FAM168A: variants seen among roughly 807,000 people sequenced by gnomAD.
FAM168A encodes protein FAM168A.
In FAM168A, 3 loss-of-function variants were observed where a neutral mutation model predicts 28.5. The observed-to-expected ratio is 0.11, with a 90% confidence interval of 0.05 to 0.27. FAM168A has a LOEUF of 0.27. Among genes scored for constraint, FAM168A ranks in the 10% least tolerant of loss-of-function variants. The pLI is 1.00. For synonymous variants in FAM168A, 122 were observed against 124.2 expected (o/e 0.98, Z 0.12); for missense variants, 222 against 311.5 (o/e 0.71, Z 2.16).
At chr11:73,483,262 C>A (rs991936896) in intron 1 of FAM168A, among the ~76,000 whole-genome samples, 1 of 152,166 alleles carries the variant, frequency 6.6e-6, no homozygotes, top group East Asian at 1.9e-4. Flanking sequence ...TGTCAACAAC[C>A]AAGACCTACA....
intron 1 of FAM168A, among the ~76,000 whole-genome samples, chr11:73,488,671 G>T (rs1050218293): frequency 6.6e-6 from 1 of 152,066 alleles, no homozygotes; most frequent in Admixed American, 6.6e-5. Flanking sequence ...AACAGTCCAC[G>T]TTCCAACCTT....
chr11:73,593,256 TTTG>T (rs1216829275), intron 1 of FAM168A, among the ~76,000 whole-genome samples: 2 of 152,220 alleles, frequency 1.3e-5, no homozygotes, highest in Admixed American at 1.3e-4. Context: ...AAATCTCCTT[TTTG>T]TTAAGCTGGG....
intron 2 of FAM168A, among the ~76,000 whole-genome samples, chr11:73,459,487 AAAAAAGAAAAAAAAAAGG>A (rs1223984918): frequency 2.9e-4 from 44 of 151,924 alleles, no homozygotes; most frequent in African/African-American, 7.2e-4. Flanking sequence ...CTCTGAGTCA[AAAAAAGAAAAAAAAAAGG>A]AAAAAGAAAA....
At chr11:73,540,623 T>C (rs1331172878) in intron 1 of FAM168A, among the ~76,000 whole-genome samples, 1 of 152,220 alleles carries the variant, frequency 6.6e-6, no homozygotes, top group African/African-American at 2.4e-5. Context: ...CTATTATATC[T>C]TCTCATGGCT....
chr11:73,468,804 T>C (rs974435215), intron 1 of FAM168A, among the ~76,000 whole-genome samples: 1 of 152,236 alleles, frequency 6.6e-6, no homozygotes, highest in Non-Finnish European at 1.5e-5. Flanking sequence ...CTATGTGGCA[T>C]TGGCCATGTC....
intron 1 of FAM168A, among the ~76,000 whole-genome samples, chr11:73,545,683 CTT>C (rs966309670): frequency 5.7e-5 from 6 of 105,160 alleles, no homozygotes; most frequent in African/African-American, 1.6e-4. Context: ...ATACTATATA[CTT>C]TTTTTTTTTT....
chr11:73,502,930 G>C (rs1036436065), intron 1 of FAM168A, among the ~76,000 whole-genome samples: 3 of 152,078 alleles, frequency 2.0e-5, no homozygotes, highest in Admixed American at 6.6e-5. Context: ...TGCAGAAAAG[G>C]CCTTTGATAA....
intron 2 of FAM168A, among the ~76,000 whole-genome samples, chr11:73,452,811 A>T (rs990596384): frequency 2.6e-4 from 38 of 148,466 alleles, no homozygotes; most frequent in Admixed American, 1.2e-3. Flanking sequence ...TGCAAAAAAA[A>T]AATAATAATA....
intron 1 of FAM168A, among the ~76,000 whole-genome samples, chr11:73,582,476 T>C (rs1944260181): frequency 6.6e-6 from 1 of 152,008 alleles, no homozygotes; most frequent in Non-Finnish European, 1.5e-5. Context: ...TGAGTCGAGA[T>C]GGTGCCATTG....
At chr11:73,521,702 C>G (rs927913468) in intron 1 of FAM168A, among the ~76,000 whole-genome samples, 1 of 152,012 alleles carries the variant, frequency 6.6e-6, no homozygotes, top group South Asian at 2.1e-4. Flanking sequence ...GTAATAACAA[C>G]GGGGAAGGGG....
intron 1 of FAM168A, among the ~76,000 whole-genome samples, chr11:73,562,050 C>A (rs551546962): frequency 3.3e-5 from 5 of 152,314 alleles, no homozygotes; most frequent in Non-Finnish European, 7.3e-5. Context: ...TCAAGCAATT[C>A]TCCTGCCTCA....
intron 1 of FAM168A, among the ~76,000 whole-genome samples, chr11:73,535,020 G>C (rs548458526): frequency 1.6e-4 from 24 of 152,268 alleles, no homozygotes; most frequent in African/African-American, 5.5e-4. Flanking sequence ...AAGGAGACTA[G>C]AGGATTCTTC....
chr11:73,569,024 T>C (rs2134716380), intron 1 of FAM168A, among the ~76,000 whole-genome samples: 3 of 152,298 alleles, frequency 2.0e-5, no homozygotes, highest in Admixed American at 2.0e-4. Flanking sequence ...ATCAAAAAAA[T>C]TGTTTCTTCG....
intron 1 of FAM168A, among the ~76,000 whole-genome samples, chr11:73,514,650 G>A (rs1242361075): frequency 6.6e-6 from 1 of 152,152 alleles, no homozygotes; most frequent in African/African-American, 2.4e-5. Context: ...TGAGCAACAT[G>A]GCAAGACCCC....
intron 1 of FAM168A, among the ~76,000 whole-genome samples, chr11:73,503,704 CA>C (rs1363847466): frequency 6.6e-6 from 1 of 152,126 alleles, no homozygotes. Flanking sequence ...CAATCCTAAG[CA>C]AAAAGAACAA....
intron 1 of FAM168A, among the ~76,000 whole-genome samples, chr11:73,509,781 A>G (rs1855183897): frequency 6.6e-6 from 1 of 152,150 alleles, no homozygotes; most frequent in Admixed American, 6.5e-5. Context: ...TAAACTGTAT[A>G]AAGAGGAAGA....
chr11:73,589,597 G>A (rs501224), intron 1 of FAM168A, among the ~76,000 whole-genome samples: 27,411 of 152,118 alleles, frequency 0.18, 2,575 homozygotes, highest in South Asian at 0.3. Context: ...CATGACTGGT[G>A]TAGTATCAAA....
intron 2 of FAM168A, among the ~76,000 whole-genome samples, chr11:73,459,879 A>ATTTTTTTTTTTTTTTTTTTTTTTTTTTTT (rs918564469): frequency 9.2e-6 from 1 of 108,456 alleles, no homozygotes. Flanking sequence ...ATCCAAATGA[A>ATTTTTTTTTTTTTTTTTTTTTTTTTTTTT]TTTTTTTTTT....
intron 1 of FAM168A, among the ~76,000 whole-genome samples, chr11:73,482,830 C>CTGGGT (rs1867985925): frequency 6.6e-6 from 1 of 152,116 alleles, no homozygotes; most frequent in Non-Finnish European, 1.5e-5. Context: ...CCTCCACCTC[C>CTGGGT]TGGGTTCAAG....
Sources: gnomAD v4.1 joint callset for allele counts (sites outside exome capture counted in the v4.1 genomes callset) on GRCh38, gnomAD v4.1.1 for gene constraint, MANE v1.5 for transcripts, NCBI Gene and HGNC (gene_info 2026-07-23, HGNC 2026-07-21) for gene names.